The following SHISA9 variants were observed in gnomAD, a reference collection of about 807,000 sequenced individuals.
SHISA9 encodes protein shisa-9.
In SHISA9, 13 loss-of-function variants were observed where a neutral mutation model predicts 38.0. That is an observed-to-expected ratio of 0.34 (90% CI 0.22 to 0.54). SHISA9 has a LOEUF of 0.54. Among genes scored for constraint, SHISA9 ranks in the 20% least tolerant of loss-of-function variants. The pLI, the probability that SHISA9 is intolerant of heterozygous loss-of-function variation, is 0.91. For synonymous variants in SHISA9, 275 were observed against 242.0 expected (o/e 1.14, Z -1.27); for missense variants, 538 against 575.8 (o/e 0.93, Z 0.67).
At chr16:12,954,256 C>T (rs570685537) in intron 2 of SHISA9, among the ~76,000 whole-genome samples, 1 of 152,272 alleles carries the variant, frequency 6.6e-6, no homozygotes, top group East Asian at 1.9e-4. Context: ...GTAGAAGTGT[C>T]TAAACATGGC....
intron 2 of SHISA9, chr16:13,203,124 C>G (rs1254417938): frequency 3.3e-6 from 1 of 304,620 alleles, no homozygotes; most frequent in Non-Finnish European, 6.0e-6. Context: ...AATAACCTCT[C>G]TACTGAAAGG....
At chr16:13,484,753 A>G in the SHISA9 span, among the ~76,000 whole-genome samples, 1 of 152,198 alleles carries the variant, frequency 6.6e-6, no homozygotes, top group Non-Finnish European at 1.5e-5. Context: ...CAGCTCTTAC[A>G]TGGCTGGATG....
At chr16:13,170,460 G>A (rs757350936) in intron 2 of SHISA9, among the ~76,000 whole-genome samples, 48 of 152,208 alleles carry the variant, frequency 3.2e-4, no homozygotes, top group Non-Finnish European at 5.6e-4. Flanking sequence ...ACATGGATGC[G>A]TGGCAGGGAA....
rs113207313 is a variant in SHISA9, at chr16:13,134,963, A to T, written c.692-68431A>T. Among the ~76,000 whole-genome samples the T allele has an allele frequency of 4.0e-3, 610 of 152,272 alleles. 4 individuals carry two copies. The highest frequency in any genetic ancestry group is 0.014 in the African/African-American group (567 of 41,542). Reference sequence around the variant, plus strand: ...AATGACTCTTGAAGCTTCTGCTCAGAAGGTACACATTTCACATTCACTCAG... The same window carrying T: ...AATGACTCTTGAAGCTTCTGCTCAGTAGGTACACATTTCACATTCACTCAG... On this transcript the variant is annotated intron_variant, in intron 2 of 4. Transcript: ENST00000558583.
chr16:13,371,680 A>G, the SHISA9 span, among the ~76,000 whole-genome samples: 1 of 152,262 alleles, frequency 6.6e-6, no homozygotes, highest in Non-Finnish European at 1.5e-5. Flanking sequence ...CCCTCACCTG[A>G]CATCTGAATA....
the SHISA9 span, among the ~76,000 whole-genome samples, chr16:13,337,587 A>G: frequency 6.6e-6 from 1 of 152,182 alleles, no homozygotes; most frequent in Admixed American, 6.5e-5. Flanking sequence ...GATACTCTCA[A>G]ATGGGATATT....
At chr16:13,291,180 C>G in the SHISA9 span, among the ~76,000 whole-genome samples, 1 of 152,120 alleles carries the variant, frequency 6.6e-6, no homozygotes, top group Admixed American at 6.6e-5. Flanking sequence ...CTCAGAGAAG[C>G]ATTTCAAGAG....
the SHISA9 span, among the ~76,000 whole-genome samples, chr16:13,362,296 G>A: frequency 2.0e-5 from 3 of 151,572 alleles, no homozygotes; most frequent in African/African-American, 4.8e-5. Context: ...CCAGCCCAGC[G>A]TGGTGGTGTG....
chr16:12,967,110 G>A (rs188068143), intron 2 of SHISA9, among the ~76,000 whole-genome samples: 6 of 152,158 alleles, frequency 3.9e-5, no homozygotes, highest in East Asian at 1.9e-4. Context: ...ACATGCACAC[G>A]TATGTTTATT....
At chr16:12,911,882 G>A (rs575648886) in intron 1 of SHISA9, among the ~76,000 whole-genome samples, 18 of 152,138 alleles carry the variant, frequency 1.2e-4, no homozygotes, top group Non-Finnish European at 2.2e-4. Context: ...GTATTAGGTC[G>A]GTGCAAGAGT....
At chr16:13,123,869 A>G (rs1296121269) in intron 2 of SHISA9, among the ~76,000 whole-genome samples, 2 of 152,116 alleles carry the variant, frequency 1.3e-5, no homozygotes, top group South Asian at 2.1e-4. Flanking sequence ...TTACCTCTCT[A>G]TTTTCAACCA....
chr16:13,534,224 C>CT, the SHISA9 span, among the ~76,000 whole-genome samples: 1,320 of 125,804 alleles, frequency 0.01, 29 homozygotes, highest in African/African-American at 0.032. Flanking sequence ...CACCATTTCA[C>CT]TTTTTTTTTT....
chr16:13,550,996 G>T, the SHISA9 span, among the ~76,000 whole-genome samples: 74 of 152,190 alleles, frequency 4.9e-4, no homozygotes, highest in African/African-American at 1.7e-3. Flanking sequence ...GTTGGTGGGT[G>T]CCTGTAATCC....
chr16:13,411,184 T>C, the SHISA9 span, among the ~76,000 whole-genome samples: 1 of 152,182 alleles, frequency 6.6e-6, no homozygotes. Flanking sequence ...GATGTTTCCT[T>C]CCTCCTTAAG....
chr16:13,388,203 A>G, the SHISA9 span, among the ~76,000 whole-genome samples: 2 of 152,158 alleles, frequency 1.3e-5, no homozygotes, highest in African/African-American at 4.8e-5. Context: ...ATCAATCCCA[A>G]GAGTCAAATA....
chr16:12,947,732 A>C (rs2071705569), intron 2 of SHISA9, among the ~76,000 whole-genome samples: 1 of 152,180 alleles, frequency 6.6e-6, no homozygotes, highest in African/African-American at 2.4e-5. Context: ...CATTAATCAC[A>C]CGAAGGAAAG....
chr16:13,068,046 C>A (rs2073455030), intron 2 of SHISA9, among the ~76,000 whole-genome samples: 1 of 152,228 alleles, frequency 6.6e-6, no homozygotes, highest in South Asian at 2.1e-4. Flanking sequence ...TGTGGGAGGG[C>A]CAAAGAGCTG....
At chr16:13,317,301 A>G in the SHISA9 span, among the ~76,000 whole-genome samples, 2 of 152,176 alleles carry the variant, frequency 1.3e-5, no homozygotes, top group Admixed American at 1.3e-4. Context: ...TAATTTTCCT[A>G]AAGTCGTGTC....
At chr16:12,918,134 A>C (rs1357816522) in intron 2 of SHISA9, among the ~76,000 whole-genome samples, 2 of 152,234 alleles carry the variant, frequency 1.3e-5, no homozygotes, top group Non-Finnish European at 2.9e-5. Context: ...GAGAAATAGC[A>C]ACATTTTAGA....
Sources: gnomAD v4.1 joint callset for allele counts (sites outside exome capture counted in the v4.1 genomes callset) on GRCh38, gnomAD v4.1.1 for gene constraint, MANE v1.5 for transcripts, NCBI Gene and HGNC (gene_info 2026-07-23, HGNC 2026-07-21) for gene names.